Variants in PDE1B observed in about 807,000 individuals in gnomAD.
PDE1B encodes phosphodiesterase 1B, also known as dual specificity calcium/calmodulin-dependent 3',5'-cyclic nucleotide phosphodiesterase 1B.
A neutral mutation model predicts 66.7 loss-of-function variants in PDE1B; 13 were observed. The ratio of observed to expected loss-of-function variants is 0.19; its 90% confidence interval spans 0.13 to 0.31. The LOEUF is 0.31. Ranked by LOEUF, PDE1B falls within the 10% of genes least tolerant of loss-of-function variation. The pLI, the probability that PDE1B is intolerant of heterozygous loss-of-function variation, is 1.00. For missense variants in PDE1B, 485 were observed against 682.3 expected (o/e 0.71, Z 3.22); for synonymous variants, 230 against 253.9 (o/e 0.91, Z 0.90).
At position 54,575,767 on chromosome 12, in the gene PDE1B, G is replaced by T; in HGVS notation, c.1267+135G>T. On this transcript the variant is annotated intron_variant, in intron 12 of 15. Coordinates refer to ENST00000243052, the MANE Select transcript of PDE1B (RefSeq NM_000924.4). This position sits in a 1 kb window ranked among gnomAD's most constrained non-coding sequence, Gnocchi z 4.0. ...GAAAGCCTACTGTGCTAGAGCATGG[G>T]GTCCTGGGTTAGGAGGCCAGGGGGC... 1.3e-6 allele frequency: 1 copy of T among 781,432 alleles called. No individual in the cohort carries two copies. Among genetic ancestry groups the T allele is most frequent in the South Asian group, 1.5e-5 (1 of 66,150 alleles). The allele number at this position is 781,432 out of a possible 1,614,324, so 48.4% of individuals were successfully genotyped here.
At chr12:54,553,155 TC>T (rs753061410) in intron 2 of PDE1B, among the ~76,000 whole-genome samples, 76 of 90,888 alleles carry the variant, frequency 8.4e-4, no homozygotes, top group Non-Finnish European at 1.5e-3. Flanking sequence ...GGCTCTGTAT[TC>T]CCTGTTTTGC....
rs147617766 is a variant in PDE1B at position 54,572,842 on chromosome 12, T to C, written c.735+101T>C. The C allele has an allele frequency of 2.5e-4, 310 of 1,232,672 alleles. 1 individual carries two copies. The African/African-American group carries it at 3.9e-3, about 16-fold the overall frequency. 76.4% of individuals were successfully genotyped at this position (1,232,672 alleles called of 1,614,324 possible). The stretch of plus-strand genomic sequence containing the variant: ...CATTTCCATTTCTCCTCGTTGGTTC[T>C]TCTTGGGCACTCCAAAGCCTTGACA... On this transcript the variant is annotated intron_variant, in intron 7 of 15. Transcript: ENST00000243052.
chr12:54,556,404 A>G (rs1957342450), intron 2 of PDE1B, among the ~76,000 whole-genome samples: 1 of 152,174 alleles, frequency 6.6e-6, no homozygotes, highest in Non-Finnish European at 1.5e-5. Context: ...AAATCAACTT[A>G]TTATCCATAC....
chr12:54,571,456 G>C (rs568246096), intron 6 of PDE1B: 1 of 152,350 alleles, frequency 6.6e-6, no homozygotes, highest in South Asian at 2.1e-4. Context: ...TCAGACTTCA[G>C]TCACTAGATT....
chr12:54,571,219 G>A (rs1957610401), intron 6 of PDE1B: 1 of 152,228 alleles, frequency 6.6e-6, no homozygotes, highest in Non-Finnish European at 1.5e-5. Flanking sequence ...AATTATCTGT[G>A]CATGTAAGCC....
Position 54,576,568 on chromosome 12 carries a change from T to C in PDE1B, c.1377-3T>C. 1 of 1,614,030 alleles carries C rather than the reference T, an allele frequency of 6.2e-7. No homozygotes were observed. Among genetic ancestry groups the C allele is most frequent in the Non-Finnish European group, 8.5e-7 (1 of 1,180,012 alleles). ...TTGCGGCTTTTGGGGGTTCTGCTTC[T>C]AGCTTTCAGTGGCGCCAGCCCTCTC... On this transcript the variant is annotated splice_polypyrimidine_tract_variant and splice_region_variant and intron_variant, in intron 13 of 15. Transcript: ENST00000243052.
Position 54,573,704 on chromosome 12 carries a change from G to A in PDE1B, c.1059G>A (p.Leu353=), listed in dbSNP as rs759004470. The A allele has an allele frequency of 1.6e-5, 26 of 1,613,090 alleles. No individual in the cohort carries two copies. Among genetic ancestry groups the A allele is most frequent in the African/African-American group, 5.3e-5 (4 of 74,908 alleles). ...CCATGAAGACAGCCTTGCAACAGCT[G>A]GAGAGGTGGCATCTGGTGGGGTGTG... is the stretch of plus-strand genomic sequence containing the variant. ...VKTMKTALQQ[L]ERIDKPKALS... The change falls in exon 10 of 16, where the codon CTG becomes CTA. Residue 353 remains leucine, a synonymous_variant. Coordinates refer to ENST00000243052, the MANE Select transcript of PDE1B (RefSeq NM_000924.4). This position sits in a 1 kb window ranked among gnomAD's most constrained non-coding sequence, Gnocchi z 5.2.
rs189001857 is a variant in PDE1B, at chr12:54,579,164, C to T, written c.*1322C>T. The T allele has an allele frequency of 5.2e-4, 386 of 740,636 alleles. 2 individuals carry two copies. The highest frequency in any genetic ancestry group is 4.4e-3 in the African/African-American group (231 of 52,152). The allele number at this position is 740,636 out of a possible 1,614,324, so 45.9% of individuals were successfully genotyped here. On this transcript the variant is annotated 3_prime_UTR_variant, in exon 16 of 16. Coordinates refer to ENST00000243052, the MANE Select transcript of PDE1B (RefSeq NM_000924.4). Reference sequence around the variant, plus strand: ...TACCCCACCCCGAGAAGGGCAGAGACGCATGTGACTCACCCCTGCCCTTGG... The same window carrying T: ...TACCCCACCCCGAGAAGGGCAGAGATGCATGTGACTCACCCCTGCCCTTGG...
intron 2 of PDE1B, among the ~76,000 whole-genome samples, chr12:54,555,437 G>T (rs537516962): frequency 3.3e-5 from 5 of 152,304 alleles, no homozygotes; most frequent in African/African-American, 1.2e-4. Context: ...GGTTGCATTT[G>T]CCACCTTTGC....
At chr12:54,559,226 C>T (rs1957375545) in intron 2 of PDE1B, among the ~76,000 whole-genome samples, 1 of 139,422 alleles carries the variant, frequency 7.2e-6, no homozygotes, top group Admixed American at 7.2e-5. Flanking sequence ...ACCCCTTTAC[C>T]CCCACCCACC....
At chr12:54,558,239 A>C (rs986385586) in intron 2 of PDE1B, among the ~76,000 whole-genome samples, 5 of 151,052 alleles carry the variant, frequency 3.3e-5, no homozygotes, top group Admixed American at 3.3e-4. Flanking sequence ...CTGCCCCCTT[A>C]ATACCTCCTA....
At chr12:54,550,601 G>A (rs1957263099) in intron 2 of PDE1B, among the ~76,000 whole-genome samples, 1 of 64,942 alleles carries the variant, frequency 1.5e-5, no homozygotes, top group African/African-American at 4.4e-5. Flanking sequence ...GGACCCACGT[G>A]GAATCTGGAG....
In PDE1B at chr12:54,569,537, C is replaced by A; in HGVS notation, c.411-9C>A. Reference sequence around the variant, plus strand: ...CATATGTGGGCTTCTTCTCATTGTTCTCTCTCAGGATGTTCCGGAGAACAT... The same window carrying A: ...CATATGTGGGCTTCTTCTCATTGTTATCTCTCAGGATGTTCCGGAGAACAT... On this transcript the variant is annotated splice_polypyrimidine_tract_variant and intron_variant, in intron 4 of 15. Transcript: ENST00000243052. This position sits in a 1 kb window ranked among gnomAD's most constrained non-coding sequence, Gnocchi z 4.4. 1 of 1,611,832 alleles carries A rather than the reference C, an allele frequency of 6.2e-7. No individual in the cohort carries two copies. The highest frequency in any genetic ancestry group is 1.1e-5 in the South Asian group (1 of 91,000).
chr12:54,563,097 T>A (rs1427518525), intron 2 of PDE1B, among the ~76,000 whole-genome samples: 1 of 152,226 alleles, frequency 6.6e-6, no homozygotes, highest in Non-Finnish European at 1.5e-5. Flanking sequence ...TCCGTTTTAT[T>A]TATTTAATGA....
chr12:54,567,622 C>T (rs946158048), intron 3 of PDE1B, among the ~76,000 whole-genome samples: 2 of 151,916 alleles, frequency 1.3e-5, no homozygotes, highest in Non-Finnish European at 2.9e-5. Context: ...GAGATAGAGA[C>T]AAACACAGAT....
chr12:54,576,096 C>G lies in PDE1B; in HGVS notation c.1372C>G (p.Pro458Ala), dbSNP rs1957738192. The change falls in exon 13 of 16, where the codon CCC becomes GCC. Residue 458 changes from proline to alanine, a missense_variant. By Grantham distance (27) the Pro-to-Ala change is conservative. Coordinates refer to ENST00000243052, the MANE Select transcript of PDE1B (RefSeq NM_000924.4). ...TGAGGACTCCAAGTCTAAAAACCAG[C>G]CCAGGTGAGGGTGGCTGGGGTAGCC... The part of the protein sequence containing the change: ...ADEDSKSKNQ[P>A]SFQWRQPSLD... The G allele has an allele frequency of 1.3e-6, 2 of 1,594,688 alleles. No homozygotes were observed. The highest frequency in any genetic ancestry group is 1.7e-6 in the Non-Finnish European group (2 of 1,162,264).
intron 2 of PDE1B, among the ~76,000 whole-genome samples, chr12:54,561,150 C>T (rs190835884): frequency 2.6e-5 from 4 of 152,246 alleles, no homozygotes; most frequent in Admixed American, 1.3e-4. Flanking sequence ...AGGGCCCCTT[C>T]CCCTCCCGCT....
Position 54,575,761 on chromosome 12 carries a change from G to A in PDE1B, c.1267+129G>A. 1 of 805,912 alleles carries A rather than the reference G, an allele frequency of 1.2e-6. No homozygotes were observed. Among genetic ancestry groups the A allele is most frequent in the Non-Finnish European group, 2.1e-6 (1 of 473,822 alleles). 49.9% of individuals were successfully genotyped at this position (805,912 alleles called of 1,614,324 possible). On this transcript the variant is annotated intron_variant, in intron 12 of 15. Coordinates refer to ENST00000243052, the MANE Select transcript of PDE1B (RefSeq NM_000924.4). The surrounding 1 kb of genome is among the most constrained non-coding windows in gnomAD (Gnocchi z 4.0). ...GTAGAGGAAAGCCTACTGTGCTAGA[G>A]CATGGGGTCCTGGGTTAGGAGGCCA...
chr12:54,550,247 G>C, intron 2 of PDE1B: 1 of 1,340,810 alleles, frequency 7.5e-7, no homozygotes, highest in South Asian at 1.7e-5. Context: ...GCTGACACAC[G>C]CAGCGCCTAG....
Sources: gnomAD v4.1 joint callset for allele counts (sites outside exome capture counted in the v4.1 genomes callset) on GRCh38, gnomAD v4.1.1 for gene constraint, Gnocchi (gnomAD v3.1) non-coding constraint, MANE v1.5 for transcripts, NCBI Gene and HGNC (gene_info 2026-07-23, HGNC 2026-07-21) for gene names.